Variants in NECTIN1 observed in about 807,000 individuals in gnomAD.
NECTIN1 encodes the protein nectin-1.
A neutral mutation model predicts 48.0 loss-of-function variants in NECTIN1; 23 were observed. The observed-to-expected ratio is 0.48, with a 90% CI of 0.34 to 0.68. The LOEUF (loss-of-function observed/expected upper bound fraction) is 0.68, where lower values mean the gene tolerates loss of function less well. Among genes scored for constraint, NECTIN1 ranks in the 30% least tolerant of loss-of-function variants. The pLI, the probability that NECTIN1 is intolerant of heterozygous loss-of-function variation, is 0.01. For synonymous variants in NECTIN1, 270 were observed against 288.9 expected (o/e 0.93, Z 0.66); for missense variants, 591 against 709.9 (o/e 0.83, Z 1.90).
chr11:119,699,662 G>A (rs941754578), intron 1 of NECTIN1, among the ~76,000 whole-genome samples: 2 of 152,192 alleles, frequency 1.3e-5, no homozygotes, highest in Non-Finnish European at 2.9e-5. Context: ...GTCTGGGGTA[G>A]GGCCTTTTGA....
In NECTIN1 at chr11:119,665,959, CAGG is replaced by C. The variant is rs1319000274; in HGVS notation, c.1004-665_1004-663del. On this transcript the variant is annotated intron_variant, in intron 5 of 5. Transcript: ENST00000264025. The surrounding 1 kb of genome is among the most constrained non-coding windows in gnomAD (Gnocchi z 5.1). ...GAAAACAGGTTCCCAGGCACTGGCT[CAGG>C]AGATGCCCCGTGAGTGCCAATCAGC... Among the ~76,000 whole-genome samples, 1 of 152,098 alleles carries C rather than the reference CAGG, an allele frequency of 6.6e-6. No homozygotes were observed. The highest frequency in any genetic ancestry group is 6.5e-5 in the Admixed American group (1 of 15,276).
At chr11:119,638,644 C>T in intron 7 of NECTIN1, 7 of 1,251,872 alleles carry the variant, frequency 5.6e-6, no homozygotes, top group Non-Finnish European at 8.0e-6. Context: ...GCTCTGTCTT[C>T]AGCTTGGGCT....
chr11:119,692,411 A>ATGTGTGTGTGTG (rs60998928), intron 1 of NECTIN1, among the ~76,000 whole-genome samples: 3 of 142,452 alleles, frequency 2.1e-5, no homozygotes, highest in East Asian at 2.2e-4. Context: ...TGTGGCAGTG[A>ATGTGTGTGTGTG]TGTGTGTGTG....
chr11:119,662,597 G>A lies in NECTIN1; in HGVS notation c.*2150C>T, dbSNP rs1864686343. ...GAGATGCAGGAGGAGACAGGGACAG[G>A]AAATGCCTCTATCAGGCAGGCCCCT... On this transcript the variant is annotated 3_prime_UTR_variant, in exon 6 of 6. Transcript: ENST00000264025. This position sits in a 1 kb window ranked among gnomAD's most constrained non-coding sequence, Gnocchi z 5.3. The A allele has an allele frequency of 2.0e-6, 2 of 985,618 alleles. No individual in the cohort carries two copies. Among genetic ancestry groups the A allele is most frequent in the Admixed American group, 1.2e-4 (2 of 16,246 alleles). The allele number at this position is 985,618 out of a possible 1,614,324, so 61.1% of individuals were successfully genotyped here.
chr11:119,669,910 G>GGATC, intron 5 of NECTIN1, among the ~76,000 whole-genome samples: 1 of 151,830 alleles, frequency 6.6e-6, no homozygotes, highest in East Asian at 1.9e-4. Context: ...CTAGCACTTG[G>GGATC]GATCCCCTTA....
chr11:119,692,638 C>T (rs1263187101), intron 1 of NECTIN1, among the ~76,000 whole-genome samples: 6 of 152,362 alleles, frequency 3.9e-5, no homozygotes, highest in Admixed American at 2.6e-4. Context: ...ATGTGCACTG[C>T]TGATCTGTGC....
intron 5 of NECTIN1, among the ~76,000 whole-genome samples, chr11:119,671,958 A>T (rs1044455498): frequency 6.6e-6 from 1 of 152,226 alleles, no homozygotes; most frequent in African/African-American, 2.4e-5. Context: ...GCCTGTTCAC[A>T]CTGGTTCACA....
At chr11:119,647,156 G>A (rs1430053940) in intron 5 of NECTIN1, among the ~76,000 whole-genome samples, 3 of 121,228 alleles carry the variant, frequency 2.5e-5, no homozygotes, top group Non-Finnish European at 3.6e-5. Context: ...CAGAGCTTGC[G>A]GCGCATGTGT....
At chr11:119,653,046 ATAGAC>A (rs1591441375) in intron 5 of NECTIN1, among the ~76,000 whole-genome samples, 1 of 152,224 alleles carries the variant, frequency 6.6e-6, no homozygotes, top group African/African-American at 2.4e-5. Flanking sequence ...TATGAATAGA[ATAGAC>A]TAGGTATGAC....
At chr11:119,707,929 G>T (rs769840089) in intron 1 of NECTIN1, among the ~76,000 whole-genome samples, 3 of 152,258 alleles carry the variant, frequency 2.0e-5, no homozygotes, top group Admixed American at 2.0e-4. Context: ...AGTGACAGTG[G>T]TAGTGGCAAG....
intron 1 of NECTIN1, among the ~76,000 whole-genome samples, chr11:119,720,169 C>A (rs1401062915): frequency 6.6e-6 from 1 of 152,194 alleles, no homozygotes; most frequent in Non-Finnish European, 1.5e-5. Context: ...GCAGTGGGAC[C>A]CACATGACGT....
chr11:119,657,885 C>T (rs1384972086), downstream of NECTIN1, among the ~76,000 whole-genome samples: 1 of 144,202 alleles, frequency 6.9e-6, no homozygotes, highest in East Asian at 2.0e-4. Flanking sequence ...TGTGCCACTG[C>T]ACTCCAGCCT....
At chr11:119,716,152 CG>C (rs1865740339) in intron 1 of NECTIN1, among the ~76,000 whole-genome samples, 1 of 152,110 alleles carries the variant, frequency 6.6e-6, no homozygotes, top group Non-Finnish European at 1.5e-5. Flanking sequence ...GTTGGGGGGG[CG>C]GATCTCCAGT....
chr11:119,678,322 G>A lies in NECTIN1; in HGVS notation c.430+93C>T. On this transcript the variant is annotated intron_variant, in intron 2 of 5. Transcript: ENST00000264025. This position sits in a 1 kb window ranked among gnomAD's most constrained non-coding sequence, Gnocchi z 4.4. ...TGATGGCAGCATGCCCACCCAAGGG[G>A]GATGTCTGGGGTCATTGAGGCATCC... 1 of 1,173,418 alleles carries A rather than the reference G, an allele frequency of 8.5e-7. No individual in the cohort carries two copies. The highest frequency in any genetic ancestry group is 1.3e-6 in the Non-Finnish European group (1 of 785,142). 72.7% of individuals were successfully genotyped at this position (1,173,418 alleles called of 1,614,324 possible). A position where few individuals can be genotyped will look rare whatever the true frequency, so the allele number is the denominator to read the frequency against.
At chr11:119,646,005 T>C (rs1864392112) in intron 5 of NECTIN1, among the ~76,000 whole-genome samples, 1 of 152,194 alleles carries the variant, frequency 6.6e-6, no homozygotes, top group Non-Finnish European at 1.5e-5. Context: ...TGGCCTTCGG[T>C]GGGCTCTGCG....
rs1053934574 is a variant in NECTIN1 at position 119,661,188 on chromosome 11, G to A, written c.*3559C>T. 2.0e-5 allele frequency: 20 copies of A among 985,732 alleles called. No homozygotes were observed. The highest frequency in any genetic ancestry group is 2.3e-5 in the Non-Finnish European group (19 of 829,942). The allele number at this position is 985,732 out of a possible 1,614,324, so 61.1% of individuals were successfully genotyped here. ...ACGCCGAAGCAAGGTAGCGCATCAC[G>A]CTGGGAGGGGAGGGTGGCAGCTTCT... is the stretch of plus-strand genomic sequence containing the variant. On this transcript the variant is annotated 3_prime_UTR_variant, in exon 6 of 6. Transcript: ENST00000264025.
In NECTIN1 at chr11:119,663,235, C is replaced by G. The variant is rs1864699007; in HGVS notation, c.*1512G>C. On this transcript the variant is annotated 3_prime_UTR_variant, in exon 6 of 6. Transcript: ENST00000264025. ...TCCCAGGGTCCTTCCCATGGGCATG[C>G]CTGTCTAGAGTGCCAGGGGATCTGG... 9.1e-6 allele frequency: 9 copies of G among 985,530 alleles called. No homozygotes were observed. The highest frequency in any genetic ancestry group is 6.1e-5 in the Admixed American group (1 of 16,298). The allele number at this position is 985,530 out of a possible 1,614,324, so 61.0% of individuals were successfully genotyped here.
intron 1 of NECTIN1, among the ~76,000 whole-genome samples, chr11:119,724,159 C>T (rs572418291): frequency 6.6e-5 from 10 of 152,302 alleles, no homozygotes; most frequent in Middle Eastern, 3.4e-3. Flanking sequence ...GCTACCTCCC[C>T]TCCCCACACA....
downstream of NECTIN1, among the ~76,000 whole-genome samples, chr11:119,660,027 C>A (rs1490979565): frequency 1.3e-5 from 2 of 152,212 alleles, no homozygotes; most frequent in Non-Finnish European, 2.9e-5. Context: ...CAGCTGCTGG[C>A]TTCTCCTTCT....
Sources: gnomAD v4.1 joint callset for allele counts (sites outside exome capture counted in the v4.1 genomes callset) on GRCh38, gnomAD v4.1.1 for gene constraint, Gnocchi (gnomAD v3.1) non-coding constraint, MANE v1.5 for transcripts, NCBI Gene and HGNC (gene_info 2026-07-23, HGNC 2026-07-21) for gene names.